Variants in SLC36A1 observed in about 807,000 individuals in gnomAD.
The protein encoded by SLC36A1 is solute carrier family 36 member 1.
In SLC36A1, 30 loss-of-function variants were observed where a neutral mutation model predicts 47.5. The ratio of observed to expected loss-of-function variants is 0.63; its 90% CI spans 0.47 to 0.86. SLC36A1 has a LOEUF of 0.86. Among genes scored for constraint, SLC36A1 ranks in the 40% least tolerant of loss-of-function variants. The pLI is 0.00. For missense variants in SLC36A1, 517 were observed against 606.0 expected (o/e 0.85, Z 1.54); for synonymous variants, 255 against 249.7 (o/e 1.02, Z -0.20).
rs1759975276 is a variant in SLC36A1, at chr5:151,489,936, A to G, written c.*1682A>G. On this transcript the variant is annotated 3_prime_UTR_variant, in exon 11 of 11. Coordinates refer to ENST00000243389, the MANE Select transcript of SLC36A1 (RefSeq NM_078483.4). The surrounding 1 kb of genome is among the most constrained non-coding windows in gnomAD (Gnocchi z 4.5). ...GGTTGAAGGAGAGCAGCAAAAATGTATCAGGGGTTTTGCTTCTGTGTTTCG... is the reference window on the plus strand; with the variant it reads ...GGTTGAAGGAGAGCAGCAAAAATGTGTCAGGGGTTTTGCTTCTGTGTTTCG... The G allele has an allele frequency of 6.6e-6, 1 of 152,106 alleles. No individual in the cohort carries two copies. Among genetic ancestry groups the G allele is most frequent in the Non-Finnish European group, 1.5e-5 (1 of 68,036 alleles). 9.4% of individuals were successfully genotyped at this position (152,106 alleles called of 1,614,324 possible). A position where few individuals can be genotyped will look rare whatever the true frequency, so the allele number is the denominator to read the frequency against.
upstream of SLC36A1, among the ~76,000 whole-genome samples, chr5:151,434,724 A>G (rs1257295528): frequency 6.6e-6 from 1 of 152,140 alleles, no homozygotes; most frequent in Non-Finnish European, 1.5e-5. Context: ...AGTGCTCTGA[A>G]ATAAGAGACA....
chr5:151,363,373 G>T, the SLC36A1 span, among the ~76,000 whole-genome samples: 1 of 152,194 alleles, frequency 6.6e-6, no homozygotes, highest in African/African-American at 2.4e-5. Context: ...AAGGAGGGTT[G>T]CCATGAATAT....
the SLC36A1 span, chr5:151,549,365 C>T: frequency 1.2e-6 from 2 of 1,614,020 alleles, no homozygotes; most frequent in Non-Finnish European, 8.5e-7. Flanking sequence ...CCTGCAGCAG[C>T]TCTGTGCCGG....
chr5:151,464,647 TG>T (rs757426541), intron 4 of SLC36A1, 45 bp downstream of exon 4: 1 of 1,552,610 alleles, frequency 6.4e-7, no homozygotes, highest in South Asian at 1.1e-5. Flanking sequence ...ATTGTCCTTT[TG>T]GGTTCTGTTA....
chr5:151,389,966 A>T, the SLC36A1 span, among the ~76,000 whole-genome samples: 23 of 152,144 alleles, frequency 1.5e-4, no homozygotes. Context: ...CTAGTTCTAG[A>T]TCCTTGAGGA....
chr5:151,531,845 G>A, the SLC36A1 span: 1 of 1,614,076 alleles, frequency 6.2e-7, no homozygotes, highest in Non-Finnish European at 8.5e-7. The surrounding 1 kb of genome is among the most constrained non-coding windows in gnomAD (Gnocchi z 5.7). Flanking sequence ...CGGACCGTGA[G>A]CTCCAGTGGT....
At chr5:151,506,077 C>G in the SLC36A1 span, 97 of 1,527,746 alleles carry the variant, frequency 6.3e-5, no homozygotes, top group Middle Eastern at 7.0e-4. Flanking sequence ...GGGGGCCAGA[C>G]CATGGCTCCG....
At chr5:151,534,631 T>TG in the SLC36A1 span, 1 of 1,609,536 alleles carries the variant, frequency 6.2e-7, no homozygotes, top group South Asian at 1.1e-5. Context: ...GCAGTGAGTG[T>TG]GGTCAGCTCC....
chr5:151,537,978 T>C, the SLC36A1 span: 1 of 1,604,372 alleles, frequency 6.2e-7, no homozygotes, highest in Non-Finnish European at 8.5e-7. Flanking sequence ...AGAGGGAGAC[T>C]GTGGGGACTG....
intron 1 of SLC36A1, among the ~76,000 whole-genome samples, chr5:151,441,012 TGC>T (rs1313528843): frequency 1.3e-5 from 2 of 152,112 alleles, no homozygotes; most frequent in African/African-American, 4.8e-5. Context: ...CAGATTGCTG[TGC>T]CCCCACAACC....
At chr5:151,507,342 G>A in the SLC36A1 span, 2 of 1,614,184 alleles carry the variant, frequency 1.2e-6, no homozygotes, top group East Asian at 4.5e-5. Flanking sequence ...GTTGTTGCAG[G>A]AGCTGGCACT....
chr5:151,394,251 C>A, the SLC36A1 span, among the ~76,000 whole-genome samples: 17 of 152,164 alleles, frequency 1.1e-4, no homozygotes, highest in Non-Finnish European at 2.2e-4. Flanking sequence ...TTTTCAGCTC[C>A]ATCAGGTCAT....
chr5:151,375,928 C>A, the SLC36A1 span, among the ~76,000 whole-genome samples: 1 of 152,126 alleles, frequency 6.6e-6, no homozygotes. Flanking sequence ...AGACATAGAT[C>A]ATATTATCAT....
chr5:151,527,391 T>A, the SLC36A1 span: 3 of 1,586,476 alleles, frequency 1.9e-6, no homozygotes, highest in South Asian at 1.1e-5. Context: ...TTGCAAAATG[T>A]CCAGTGGAGG....
chr5:151,457,662 T>G (rs2127467863), intron 1 of SLC36A1, among the ~76,000 whole-genome samples: 1 of 152,134 alleles, frequency 6.6e-6, no homozygotes, highest in Admixed American at 6.5e-5. Context: ...AGTACTCAGG[T>G]TGGCAGCAAG....
the SLC36A1 span, among the ~76,000 whole-genome samples, chr5:151,415,725 G>A: frequency 6.9e-4 from 105 of 152,210 alleles, no homozygotes; most frequent in Non-Finnish European, 1.3e-3. Flanking sequence ...GTGGCTACTC[G>A]ATTGATGTTT....
chr5:151,346,240 C>T, the SLC36A1 span, among the ~76,000 whole-genome samples: 1 of 152,186 alleles, frequency 6.6e-6, no homozygotes, highest in South Asian at 2.1e-4. Flanking sequence ...TTACAGACAG[C>T]ACACTCTCAG....
At chr5:151,507,569 T>G in the SLC36A1 span, 18 of 1,613,632 alleles carry the variant, frequency 1.1e-5, no homozygotes, top group Non-Finnish European at 1.4e-5. Context: ...CGGGAGTGAC[T>G]AGGCAGTGTC....
chr5:151,464,470 A>G (rs776951279), intron 3 of SLC36A1, 44 bp from the exon 4 acceptor site: 21 of 1,538,782 alleles, frequency 1.4e-5, no homozygotes, highest in Non-Finnish European at 1.6e-5. Flanking sequence ...TCCTAATTCT[A>G]CCTACTTTTC....
Sources: gnomAD v4.1 joint callset for allele counts (sites outside exome capture counted in the v4.1 genomes callset) on GRCh38, gnomAD v4.1.1 for gene constraint, Gnocchi (gnomAD v3.1) non-coding constraint, MANE v1.5 for transcripts, NCBI Gene and HGNC (gene_info 2026-07-23, HGNC 2026-07-21) for gene names.